The following SHANK2 variants were observed in gnomAD, a reference collection of about 807,000 sequenced individuals.
SHANK2 encodes the protein SH3 and multiple ankyrin repeat domains 2, also known as SH3 and multiple ankyrin repeat domains protein 2.
In SHANK2, 43 loss-of-function variants were observed where a neutral mutation model predicts 133.7. The observed-to-expected ratio is 0.32, with a 90% CI of 0.25 to 0.41. The LOEUF (loss-of-function observed/expected upper bound fraction) is 0.41, where lower values mean the gene tolerates loss of function less well. SHANK2 is among the 10% of genes least tolerant of loss of function. SHANK2 has a pLI of 1.00. For missense variants in SHANK2, 1,994 were observed against 2,235.8 expected (o/e 0.89, Z 2.18); for synonymous variants, 1,017 against 952.8 (o/e 1.07, Z -1.24).
At chr11:70,908,978 C>T (rs1950150941) in intron 10 of SHANK2, among the ~76,000 whole-genome samples, 3 of 152,306 alleles carry the variant, frequency 2.0e-5, no homozygotes, top group Middle Eastern at 3.4e-3. Context: ...GTATTATCCT[C>T]TGTCCTGTGA....
At chr11:70,594,225 G>A (rs2060366976) in intron 17 of SHANK2, among the ~76,000 whole-genome samples, 1 of 152,226 alleles carries the variant, frequency 6.6e-6, no homozygotes, top group Non-Finnish European at 1.5e-5. Context: ...AAGGACCGCA[G>A]CTTTGACATG....
chr11:71,198,830 G>C (rs1481818842), intron 2 of SHANK2, among the ~76,000 whole-genome samples: 1 of 152,216 alleles, frequency 6.6e-6, no homozygotes, highest in Non-Finnish European at 1.5e-5. Flanking sequence ...AGTTGGTTCT[G>C]GATCCTGCAC....
At chr11:70,811,191 A>G (rs781817946) in intron 12 of SHANK2, among the ~76,000 whole-genome samples, 15 of 152,100 alleles carry the variant, frequency 9.9e-5, no homozygotes, top group South Asian at 4.2e-4. Flanking sequence ...TCAGATGAAC[A>G]AGGCTGACAG....
chr11:71,234,010 G>A (rs1025423115), intron 1 of SHANK2, among the ~76,000 whole-genome samples: 5 of 151,434 alleles, frequency 3.3e-5, no homozygotes, highest in Admixed American at 1.3e-4. Flanking sequence ...TCATGCCACT[G>A]TACTCCAGCC....
At chr11:70,838,753 C>A (rs1023827005) in intron 11 of SHANK2, among the ~76,000 whole-genome samples, 9 of 152,212 alleles carry the variant, frequency 5.9e-5, no homozygotes, top group African/African-American at 2.2e-4. Context: ...GCCGATTCAA[C>A]AATCCAAAAG....
At chr11:70,491,410 C>T (rs2135757008) in intron 22 of SHANK2, among the ~76,000 whole-genome samples, 1 of 152,266 alleles carries the variant, frequency 6.6e-6, no homozygotes, top group South Asian at 2.1e-4. Context: ...GAGGCAAGGA[C>T]CGGCAGGCAG....
intron 17 of SHANK2, among the ~76,000 whole-genome samples, chr11:70,548,736 G>A (rs1246271452): frequency 1.3e-5 from 2 of 152,208 alleles, no homozygotes; most frequent in Admixed American, 6.5e-5. Flanking sequence ...GCCTGTGAGC[G>A]TGACCTTATT....
intron 17 of SHANK2, among the ~76,000 whole-genome samples, chr11:70,630,605 C>T (rs1294017675): frequency 2.0e-5 from 3 of 152,112 alleles, no homozygotes; most frequent in Admixed American, 6.5e-5. Flanking sequence ...CTGGTTGGTG[C>T]CCTTATAAGG....
chr11:71,125,734 T>G (rs1207149301), intron 3 of SHANK2, among the ~76,000 whole-genome samples: 5 of 152,200 alleles, frequency 3.3e-5, no homozygotes, highest in Admixed American at 1.3e-4. Flanking sequence ...AGATTTTCAA[T>G]GTAGACAAGA....
chr11:70,794,883 T>C (rs1364629925), intron 14 of SHANK2, among the ~76,000 whole-genome samples: 9 of 152,230 alleles, frequency 5.9e-5, no homozygotes, highest in Admixed American at 4.6e-4. Flanking sequence ...ATATCTTATT[T>C]GCAGTTGGAG....
intron 11 of SHANK2, among the ~76,000 whole-genome samples, chr11:70,836,273 G>C (rs782697075): frequency 6.6e-6 from 1 of 152,224 alleles, no homozygotes; most frequent in African/African-American, 2.4e-5. Flanking sequence ...CTGCCACTGG[G>C]CACAGAGGGA....
At chr11:70,937,376 G>T (rs2135827595) in intron 10 of SHANK2, among the ~76,000 whole-genome samples, 1 of 152,354 alleles carries the variant, frequency 6.6e-6, no homozygotes, top group African/African-American at 2.4e-5. Flanking sequence ...ACTGCTGCCT[G>T]CCTGATGGAG....
intron 12 of SHANK2, among the ~76,000 whole-genome samples, chr11:70,814,691 C>T (rs188401118): frequency 2.0e-5 from 3 of 152,360 alleles, no homozygotes; most frequent in Admixed American, 2.0e-4. Context: ...AGGTGGGTGC[C>T]GCTCTTTCAT....
chr11:71,198,534 G>A (rs914018775), intron 2 of SHANK2, among the ~76,000 whole-genome samples: 4 of 152,168 alleles, frequency 2.6e-5, no homozygotes, highest in Non-Finnish European at 4.4e-5. Context: ...GACCCTGTCA[G>A]GAACATCCCA....
At chr11:70,943,833 A>G in intron 10 of SHANK2, 1 of 438,382 alleles carries the variant, frequency 2.3e-6, no homozygotes, top group Non-Finnish European at 4.6e-6. Flanking sequence ...TCCTCACCAC[A>G]GGGCCAACCA....
chr11:70,621,439 C>A (rs1340709661), intron 17 of SHANK2, among the ~76,000 whole-genome samples: 1 of 152,226 alleles, frequency 6.6e-6, no homozygotes, highest in Non-Finnish European at 1.5e-5. Flanking sequence ...CCATTTCTTT[C>A]TGGCCTGGCT....
intron 17 of SHANK2, among the ~76,000 whole-genome samples, chr11:70,559,598 C>T (rs906208121): frequency 6.6e-6 from 1 of 152,190 alleles, no homozygotes; most frequent in African/African-American, 2.4e-5. Context: ...CCTGGGGACA[C>T]ACCTGGACAA....
At chr11:70,767,913 C>G (rs1384396799) in intron 14 of SHANK2, among the ~76,000 whole-genome samples, 3 of 152,170 alleles carry the variant, frequency 2.0e-5, no homozygotes, top group African/African-American at 7.2e-5. Flanking sequence ...TGCTCCCTTT[C>G]CCTCTGCTTC....
chr11:70,708,358 GC>G (rs1555025401), intron 14 of SHANK2, among the ~76,000 whole-genome samples: 1 of 152,114 alleles, frequency 6.6e-6, no homozygotes, highest in Non-Finnish European at 1.5e-5. Context: ...CCGATGGACT[GC>G]CCTGGACACT....
Sources: gnomAD v4.1 joint callset for allele counts (sites outside exome capture counted in the v4.1 genomes callset) on GRCh38, gnomAD v4.1.1 for gene constraint, MANE v1.5 for transcripts, NCBI Gene and HGNC (gene_info 2026-07-23, HGNC 2026-07-21) for gene names.